The following SIK3 variants were observed in gnomAD, a reference collection of about 807,000 sequenced individuals.
SIK3 encodes SIK family kinase 3, also known as serine/threonine-protein kinase SIK3.
SIK3 carries 28 observed loss-of-function variants against 144.2 expected under a neutral mutation model. The ratio of observed to expected loss-of-function variants is 0.19; its 90% CI spans 0.14 to 0.27. The LOEUF (loss-of-function observed/expected upper bound fraction) is 0.27, where lower values mean the gene tolerates loss of function less well. Among genes scored for constraint, SIK3 ranks in the 10% least tolerant of loss-of-function variants. The pLI, the probability that SIK3 is intolerant of heterozygous loss-of-function variation, is 1.00. For synonymous variants in SIK3, 686 were observed against 676.3 expected, an observed-to-expected ratio of 1.01 and a Z score of -0.22; for missense variants, 1,319 against 1,776.0, an observed-to-expected ratio of 0.74 and a Z score of 4.62.
chr11:116,897,966 G>A (rs929686344), intron 4 of SIK3, among the ~76,000 whole-genome samples: 12 of 151,958 alleles, frequency 7.9e-5, no homozygotes, highest in African/African-American at 2.7e-4. Flanking sequence ...CTACTCAGCT[G>A]GACCCAGAAT....
chr11:116,911,543 G>A lies in SIK3; in HGVS notation c.617-14226C>T, dbSNP rs74992951. On this transcript the variant is annotated intron_variant, in intron 4 of 24. Transcript: ENST00000445177. ...AAATGATGACTATATGGAGCAACATGGGAAATATAAAATTGTAAATACACT... is the reference window on the plus strand; with the variant it reads ...AAATGATGACTATATGGAGCAACATAGGAAATATAAAATTGTAAATACACT... Among the ~76,000 whole-genome samples the A allele has an allele frequency of 3.1e-3, 476 of 152,052 alleles. 4 individuals are homozygous for A. The highest frequency in any genetic ancestry group is 0.011 in the African/African-American group (457 of 41,482).
chr11:116,968,230 C>T (rs1949632248), intron 1 of SIK3, among the ~76,000 whole-genome samples: 1 of 152,180 alleles, frequency 6.6e-6, no homozygotes, highest in African/African-American at 2.4e-5. Context: ...GCAACCTCCA[C>T]CTCCTGGGTT....
intron 1 of SIK3, among the ~76,000 whole-genome samples, chr11:117,070,016 T>G (rs529153453): frequency 2.0e-4 from 30 of 152,338 alleles, no homozygotes; most frequent in African/African-American, 7.2e-4. Flanking sequence ...TAAGGCATAG[T>G]GATAGGGCAT....
In SIK3 at chr11:116,845,154, G is replaced by A. The variant is rs186958865; in HGVS notation, c.*489C>T. 1 of 152,260 alleles carries A rather than the reference G, an allele frequency of 6.6e-6. No homozygotes were observed. The highest frequency in any genetic ancestry group is 6.5e-5 in the Admixed American group (1 of 15,292). 9.4% of individuals were successfully genotyped at this position (152,260 alleles called of 1,614,324 possible). ...TCCTTTAGTATTTGCTTTCACAGAA[G>A]AGCAATGCAGGGGGATGGAGGGTGC... On this transcript the variant is annotated 3_prime_UTR_variant, in exon 25 of 25. Coordinates refer to ENST00000445177, the MANE Select transcript of SIK3 (RefSeq NM_001366686.3).
chr11:117,014,560 T>C (rs920241910), intron 1 of SIK3, among the ~76,000 whole-genome samples: 4 of 151,626 alleles, frequency 2.6e-5, no homozygotes, highest in African/African-American at 9.7e-5. Flanking sequence ...AAAAAAGATA[T>C]CTGTAACAAG....
intron 4 of SIK3, among the ~76,000 whole-genome samples, chr11:116,916,957 T>C (rs112288072): frequency 1.3e-5 from 2 of 151,090 alleles, no homozygotes; most frequent in East Asian, 1.9e-4. Flanking sequence ...GTAAAAAATT[T>C]TATTGTTTTT....
chr11:117,042,486 C>T (rs11216245), intron 1 of SIK3, among the ~76,000 whole-genome samples: 56,626 of 152,008 alleles, frequency 0.37, 12,886 homozygotes, highest in African/African-American at 0.65. Context: ...TGCCAAAATA[C>T]CAGTACAACC....
At chr11:116,925,212 G>A (rs1440821819) in intron 4 of SIK3, among the ~76,000 whole-genome samples, 2 of 151,578 alleles carry the variant, frequency 1.3e-5, no homozygotes, top group Non-Finnish European at 2.9e-5. Flanking sequence ...TCACGCCACT[G>A]CCCTCCTGCC....
chr11:117,062,760 C>T (rs983264606), intron 1 of SIK3, among the ~76,000 whole-genome samples: 7 of 152,200 alleles, frequency 4.6e-5, no homozygotes, highest in East Asian at 1.9e-4. Context: ...AAAGTGCCAA[C>T]GGGAGGATTT....
chr11:117,042,635 C>T (rs1385862582), intron 1 of SIK3, among the ~76,000 whole-genome samples: 1 of 152,184 alleles, frequency 6.6e-6, no homozygotes, highest in Admixed American at 6.5e-5. Flanking sequence ...AAGCATTTTG[C>T]TGTGGTTTCT....
intron 15 of SIK3, among the ~76,000 whole-genome samples, chr11:116,866,346 G>A (rs1057369852): frequency 1.3e-5 from 2 of 151,444 alleles, no homozygotes; most frequent in Non-Finnish European, 3.0e-5. Context: ...AATAAAGGGT[G>A]TATTAGATAC....
At chr11:116,878,554 A>C (rs1183378930) in intron 6 of SIK3, among the ~76,000 whole-genome samples, 1 of 151,960 alleles carries the variant, frequency 6.6e-6, no homozygotes. Context: ...TAATTTTTGC[A>C]TCTTTAATAG....
At chr11:116,997,822 G>A (rs576816185) in intron 1 of SIK3, among the ~76,000 whole-genome samples, 18 of 152,230 alleles carry the variant, frequency 1.2e-4, no homozygotes, top group Non-Finnish European at 1.6e-4. Context: ...GGACAAAAAC[G>A]GCACAAGAGT....
chr11:116,929,293 A>G (rs547643337), intron 3 of SIK3, among the ~76,000 whole-genome samples: 1 of 152,302 alleles, frequency 6.6e-6, no homozygotes, highest in Non-Finnish European at 1.5e-5. Context: ...TATTCTTGAG[A>G]AACATAAAAA....
intron 3 of SIK3, among the ~76,000 whole-genome samples, chr11:116,928,705 C>A (rs1433077965): frequency 6.6e-6 from 1 of 152,090 alleles, no homozygotes; most frequent in Non-Finnish European, 1.5e-5. Flanking sequence ...GAGCAGATTG[C>A]AAAATAATTC....
rs142733422 is a variant in SIK3, at chr11:117,026,048, T to C, written c.274-68984A>G. Among the ~76,000 whole-genome samples the C allele has an allele frequency of 1.2e-3, 190 of 152,264 alleles. 4 individuals are homozygous for C. In the East Asian group the frequency reaches 0.035, roughly 28 times the overall value. On this transcript the variant is annotated intron_variant, in intron 1 of 24. Coordinates refer to ENST00000445177, the MANE Select transcript of SIK3 (RefSeq NM_001366686.3). ...TGAAATAAATGTAAACCCAAGGAAT[T>C]GATGGTCTATCCAAGCCAAAAGGGG...
At chr11:117,002,232 C>T (rs1415538286) in intron 1 of SIK3, among the ~76,000 whole-genome samples, 2 of 152,192 alleles carry the variant, frequency 1.3e-5, no homozygotes, top group African/African-American at 2.4e-5. Flanking sequence ...CGTCCCAGGA[C>T]GGCTTTGAAT....
chr11:116,855,517 C>G (rs1391892484), intron 21 of SIK3: 1 of 152,228 alleles, frequency 6.6e-6, no homozygotes, highest in Non-Finnish European at 1.5e-5. Flanking sequence ...TCTACACACA[C>G]AAGTCACACA....
intron 3 of SIK3, among the ~76,000 whole-genome samples, chr11:116,944,555 T>C (rs1292295329): frequency 1.3e-5 from 2 of 152,180 alleles, no homozygotes; most frequent in Non-Finnish European, 2.9e-5. Flanking sequence ...TACTGCTCTG[T>C]ACACAATGTA....
Sources: gnomAD v4.1 joint callset for allele counts (sites outside exome capture counted in the v4.1 genomes callset) on GRCh38, gnomAD v4.1.1 for gene constraint, MANE v1.5 for transcripts, NCBI Gene and HGNC (gene_info 2026-07-23, HGNC 2026-07-21) for gene names.